DNAJC5: variants seen among roughly 807,000 people sequenced by gnomAD.
DNAJC5 encodes dnaJ homolog subfamily C member 5.
In DNAJC5, 1 loss-of-function variant was observed where a neutral mutation model predicts 23.2. The ratio of observed to expected loss-of-function variants is 0.04; its 90% CI spans 0.02 to 0.20. The LOEUF is 0.20. Among genes scored for constraint, DNAJC5 ranks in the 10% least tolerant of loss-of-function variants. The pLI is 1.00. For synonymous variants in DNAJC5, 136 were observed against 120.0 expected (o/e 1.13, Z -0.87); for missense variants, 180 against 267.0 (o/e 0.67, Z 2.27).
chr20:63,908,064 C>G (rs1437648382), intron 1 of DNAJC5, among the ~76,000 whole-genome samples: 1 of 152,208 alleles, frequency 6.6e-6, no homozygotes. Flanking sequence ...CTGCGCCTGG[C>G]CCTGAAATTT....
At chr20:63,927,578 G>C (rs2053627334) in intron 1 of DNAJC5, among the ~76,000 whole-genome samples, 1 of 151,972 alleles carries the variant, frequency 6.6e-6, no homozygotes, top group African/African-American at 2.4e-5. Flanking sequence ...GTGTTCTCTA[G>C]ATGTTGGGTG....
In DNAJC5 at chr20:63,931,941, G is replaced by A. The variant is rs188304560; in HGVS notation, c.*373G>A. The A allele has an allele frequency of 2.9e-3, 1,057 of 362,274 alleles. 2 individuals are homozygous for A. Among genetic ancestry groups the A allele is most frequent in the Non-Finnish European group, 4.4e-3 (822 of 186,396 alleles). The allele number at this position is 362,274 out of a possible 1,614,324, so 22.4% of individuals were successfully genotyped here. A position where few individuals can be genotyped will look rare whatever the true frequency, so the allele number is the denominator to read the frequency against. On this transcript the variant is annotated 3_prime_UTR_variant, in exon 5 of 5. Transcript: ENST00000360864. The surrounding 1 kb of genome is among the most constrained non-coding windows in gnomAD (Gnocchi z 9.6). ...CTGCAGCCGGTCAGGTGGGCGAGGA[G>A]AAGGGGGGCTGCCCCTTTCCTACCT...
At chr20:63,909,821 G>A (rs138873889) in intron 1 of DNAJC5, among the ~76,000 whole-genome samples, 2 of 152,366 alleles carry the variant, frequency 1.3e-5, no homozygotes, top group African/African-American at 4.8e-5. Context: ...GAGCCTGCGG[G>A]GGGCAGCAGA....
chr20:63,902,213 C>A (rs1207920108), intron 1 of DNAJC5, among the ~76,000 whole-genome samples: 1 of 151,892 alleles, frequency 6.6e-6, no homozygotes, highest in African/African-American at 2.4e-5. Flanking sequence ...CGCCACCACG[C>A]CCGGCTAATT....
rs2053685619 is a variant in DNAJC5, at chr20:63,932,869, T to C, written c.*1301T>C. The C allele has an allele frequency of 1.3e-5, 2 of 152,462 alleles. No homozygotes were observed. The allele number at this position is 152,462 out of a possible 1,614,324, so 9.4% of individuals were successfully genotyped here. ...TCCCTTGGGAGGCCAGCAGCCAGACTACGGAATCCACATGTGGACCATGGG... is the reference window on the plus strand; with the variant it reads ...TCCCTTGGGAGGCCAGCAGCCAGACCACGGAATCCACATGTGGACCATGGG... On this transcript the variant is annotated 3_prime_UTR_variant, in exon 5 of 5. Coordinates refer to ENST00000360864, the MANE Select transcript of DNAJC5 (RefSeq NM_025219.3). The surrounding 1 kb of genome is among the most constrained non-coding windows in gnomAD (Gnocchi z 4.4).
chr20:63,921,725 C>T (rs1199283376), intron 1 of DNAJC5, among the ~76,000 whole-genome samples: 2 of 152,194 alleles, frequency 1.3e-5, no homozygotes, highest in African/African-American at 2.4e-5. Context: ...TGCGGCTGCA[C>T]ACCAGGCCTC....
In DNAJC5 at chr20:63,931,680, T is replaced by C; in HGVS notation, c.*112T>C. 1 of 1,184,660 alleles carries C rather than the reference T, an allele frequency of 8.4e-7. No homozygotes were observed. Among genetic ancestry groups the C allele is most frequent in the Non-Finnish European group, 1.2e-6 (1 of 826,716 alleles). 73.4% of individuals were successfully genotyped at this position (1,184,660 alleles called of 1,614,324 possible). A position where few individuals can be genotyped will look rare whatever the true frequency, so the allele number is the denominator to read the frequency against. The stretch of plus-strand genomic sequence containing the variant: ...GGCAGCCTCCTGCCTGCCCTGGCCT[T>C]GCTGGGGCCCCTCCTGCCTCCACGC... On this transcript the variant is annotated 3_prime_UTR_variant, in exon 5 of 5. Coordinates refer to ENST00000360864, the MANE Select transcript of DNAJC5 (RefSeq NM_025219.3). This position sits in a 1 kb window ranked among gnomAD's most constrained non-coding sequence, Gnocchi z 9.6.
intron 1 of DNAJC5, among the ~76,000 whole-genome samples, chr20:63,917,500 A>T (rs1256910651): frequency 6.6e-6 from 1 of 151,802 alleles, no homozygotes; most frequent in East Asian, 1.9e-4. Context: ...TGACATGCCC[A>T]CCTTGGCCTC....
chr20:63,917,000 C>G (rs1051780266), intron 1 of DNAJC5, among the ~76,000 whole-genome samples: 1 of 152,228 alleles, frequency 6.6e-6, no homozygotes, highest in East Asian at 1.9e-4. Context: ...ATTGTTCAAA[C>G]GCACGTTTTA....
At chr20:63,919,744 C>T (rs371545349) in intron 1 of DNAJC5, 11 of 424,762 alleles carry the variant, frequency 2.6e-5, no homozygotes, top group African/African-American at 1.6e-4. Context: ...CGGAAGAGGA[C>T]GCACCCGGCT....
chr20:63,925,299 T>A (rs2053603285), intron 1 of DNAJC5, among the ~76,000 whole-genome samples: 1 of 152,048 alleles, frequency 6.6e-6, no homozygotes, highest in Non-Finnish European at 1.5e-5. Context: ...TCCTGGTCAA[T>A]GTGGTGAAAC....
At chr20:63,905,616 G>A (rs2053443854) in intron 1 of DNAJC5, among the ~76,000 whole-genome samples, 1 of 150,396 alleles carries the variant, frequency 6.6e-6, no homozygotes, top group Non-Finnish European at 1.5e-5. Context: ...CACCCAGGCT[G>A]GAGTGCAATG....
intron 1 of DNAJC5, chr20:63,908,959 T>C (rs1315565242): frequency 6.6e-6 from 1 of 150,918 alleles, no homozygotes; most frequent in Middle Eastern, 3.2e-3. Flanking sequence ...AAAATCATAC[T>C]TACCCGGCAG....
At chr20:63,908,222 C>T (rs899957511) in intron 1 of DNAJC5, among the ~76,000 whole-genome samples, 1 of 152,206 alleles carries the variant, frequency 6.6e-6, no homozygotes, top group Non-Finnish European at 1.5e-5. Flanking sequence ...GACAGCCCCA[C>T]GCATGGGAGG....
intron 1 of DNAJC5, among the ~76,000 whole-genome samples, chr20:63,904,138 G>A (rs529596807): frequency 2.0e-5 from 3 of 152,192 alleles, no homozygotes; most frequent in Admixed American, 1.3e-4. Flanking sequence ...CAAGGTTGCC[G>A]AATATGCATT....
intron 3 of DNAJC5, 103 bp from the exon 4 acceptor site, chr20:63,930,748 C>T: frequency 6.3e-7 from 1 of 1,577,428 alleles, no homozygotes; most frequent in South Asian, 1.1e-5. Flanking sequence ...GTATCCCCAC[C>T]TGGAACGCAC....
chr20:63,916,002 C>G (rs908234356), intron 1 of DNAJC5, among the ~76,000 whole-genome samples: 9 of 151,798 alleles, frequency 5.9e-5, no homozygotes, highest in African/African-American at 9.7e-5. Flanking sequence ...GGTGCGATCT[C>G]GGCTCACTGC....
chr20:63,905,291 T>G (rs2053440690), intron 1 of DNAJC5, among the ~76,000 whole-genome samples: 1 of 151,592 alleles, frequency 6.6e-6, no homozygotes. Flanking sequence ...AATTTTTGTA[T>G]TTTTACTAGA....
intron 1 of DNAJC5, among the ~76,000 whole-genome samples, chr20:63,910,536 C>A (rs1368683545): frequency 6.6e-6 from 1 of 151,420 alleles, no homozygotes; most frequent in Non-Finnish European, 1.5e-5. Flanking sequence ...GAGCGAGACT[C>A]CCTCTCGAAA....
Sources: gnomAD v4.1 joint callset for allele counts (sites outside exome capture counted in the v4.1 genomes callset) on GRCh38, gnomAD v4.1.1 for gene constraint, Gnocchi (gnomAD v3.1) non-coding constraint, MANE v1.5 for transcripts, NCBI Gene and HGNC (gene_info 2026-07-23, HGNC 2026-07-21) for gene names.